The following TENM2 variants were observed in gnomAD, a reference collection of about 807,000 sequenced individuals.
TENM2 encodes teneurin transmembrane protein 2.
In TENM2, 52 loss-of-function variants were observed where a neutral mutation model predicts 245.2. That is an observed-to-expected ratio of 0.21 (90% CI 0.17 to 0.27). The LOEUF is 0.27. Ranked by LOEUF, TENM2 falls within the 10% of genes least tolerant of loss-of-function variation. The probability of loss-of-function intolerance (pLI) is 1.00; values close to 1 mark genes in which losing one functional copy is unlikely to be tolerated. For missense variants in TENM2, 3,046 were observed against 3,666.8 expected, an observed-to-expected ratio of 0.83 and a Z score of 4.37; for synonymous variants, 1,363 against 1,438.9, an observed-to-expected ratio of 0.95 and a Z score of 1.19.
chr5:168,262,777 G>A, exon 29 of TENM2: 4 of 1,608,756 alleles, frequency 2.5e-6, no homozygotes, highest in Non-Finnish European at 3.4e-6. Context: ...GCAACATCCA[G>A]TTTTTAAGAC....
chr5:167,810,299 T>C (rs1583067285), intron 2 of TENM2, among the ~76,000 whole-genome samples: 1 of 152,100 alleles, frequency 6.6e-6, no homozygotes, highest in Non-Finnish European at 1.5e-5. Context: ...CCCATGGAAA[T>C]TACTAAATCA....
chr5:168,039,484 TATC>T (rs1412403072), intron 5 of TENM2, among the ~76,000 whole-genome samples: 1 of 152,170 alleles, frequency 6.6e-6, no homozygotes, highest in East Asian at 1.9e-4. Flanking sequence ...CTACCGATAT[TATC>T]ATTCTCTAAA....
the TENM2 span, among the ~76,000 whole-genome samples, chr5:167,124,753 G>A: frequency 8.0e-3 from 1,218 of 152,202 alleles, 9 homozygotes; most frequent in Middle Eastern, 0.017. Flanking sequence ...TCAATGTCAG[G>A]AGCCTCAACA....
chr5:166,989,246 G>A, the TENM2 span, among the ~76,000 whole-genome samples: 1 of 129,422 alleles, frequency 7.7e-6, no homozygotes, highest in African/African-American at 3.0e-5. Flanking sequence ...ACCACACCAA[G>A]CTAATCTTTT....
rs114274794 is a variant in TENM2, at chr5:167,571,389, C to T, written c.502+195916C>T. Among the ~76,000 whole-genome samples the T allele has an allele frequency of 8.4e-3, 1,278 of 152,280 alleles. 15 individuals carry two copies. Among genetic ancestry groups the T allele is most frequent in the African/African-American group, 0.028 (1,160 of 41,548 alleles). ...CTGAGCACTTAACTACTGTATCATA[C>T]GCTGTCATATAAGCATATGAATGTA... On this transcript the variant is annotated intron_variant, in intron 2 of 28. Transcript: ENST00000518659.
At chr5:167,359,634 C>A (rs1323111590) in intron 1 of TENM2, among the ~76,000 whole-genome samples, 2 of 152,054 alleles carry the variant, frequency 1.3e-5, no homozygotes, top group Non-Finnish European at 2.9e-5. Flanking sequence ...TGTCACGAAA[C>A]CTTTGCCAGT....
At chr5:167,116,650 A>C in the TENM2 span, 3 of 151,986 alleles carry the variant, frequency 2.0e-5, no homozygotes, top group Non-Finnish European at 2.9e-5. Context: ...TTCTTCACTT[A>C]TGAAGTGGGT....
intron 2 of TENM2, among the ~76,000 whole-genome samples, chr5:167,702,553 T>TGTATATATATATATATATACATAC (rs1758221030): frequency 6.3e-5 from 4 of 63,590 alleles, no homozygotes; most frequent in African/African-American, 3.8e-4. Context: ...TGTGTGTGTG[T>TGTATATATATATATATATACATAC]ATATATATAT....
intron 1 of TENM2, among the ~76,000 whole-genome samples, chr5:167,360,136 C>T (rs1759616354): frequency 6.6e-6 from 1 of 152,090 alleles, no homozygotes; most frequent in Admixed American, 6.6e-5. Context: ...TTTACTCAAA[C>T]AAGAAACCTG....
intron 3 of TENM2, among the ~76,000 whole-genome samples, chr5:167,928,316 T>C (rs1038161221): frequency 7.2e-5 from 11 of 152,146 alleles, no homozygotes; most frequent in African/African-American, 2.2e-4. Flanking sequence ...CAAGTCTTAA[T>C]AGGACATTGG....
At chr5:168,123,121 A>G (rs1480914814) in intron 10 of TENM2, among the ~76,000 whole-genome samples, 4 of 137,390 alleles carry the variant, frequency 2.9e-5, no homozygotes, top group South Asian at 2.5e-4. Flanking sequence ...ACATAGCAAG[A>G]CCCCATTTCT....
At chr5:167,978,924 C>A (rs1165454967) in intron 4 of TENM2, among the ~76,000 whole-genome samples, 2 of 152,248 alleles carry the variant, frequency 1.3e-5, no homozygotes. Flanking sequence ...GAGAACCAGT[C>A]TCTTGCTCCA....
intron 2 of TENM2, among the ~76,000 whole-genome samples, chr5:167,808,742 A>C (rs1766415446): frequency 6.6e-6 from 1 of 152,160 alleles, no homozygotes; most frequent in Non-Finnish European, 1.5e-5. Context: ...GGATTTTAAA[A>C]AGTGTATCTT....
the TENM2 span, among the ~76,000 whole-genome samples, chr5:167,081,063 A>G: frequency 1.3e-5 from 2 of 151,920 alleles, no homozygotes; most frequent in Non-Finnish European, 2.9e-5. Flanking sequence ...TGAGAAGTTT[A>G]TCTTGGATGT....
intron 1 of TENM2, among the ~76,000 whole-genome samples, chr5:167,353,715 G>C (rs940395495): frequency 6.6e-6 from 1 of 151,670 alleles, no homozygotes; most frequent in African/African-American, 2.4e-5. Context: ...CACCGTTTTA[G>C]CCGGGATGGT....
intron 2 of TENM2, among the ~76,000 whole-genome samples, chr5:167,804,872 C>A (rs1036355912): frequency 6.6e-6 from 1 of 152,160 alleles, no homozygotes; most frequent in Non-Finnish European, 1.5e-5. Flanking sequence ...ACAGCTACCC[C>A]AAAATGGCAG....
chr5:167,949,120 T>C (rs1472596066), intron 3 of TENM2, among the ~76,000 whole-genome samples: 1 of 152,162 alleles, frequency 6.6e-6, no homozygotes, highest in African/African-American at 2.4e-5. Context: ...CGAGTGAAAC[T>C]AGGAGTCAAA....
chr5:167,222,849 G>A, the TENM2 span, among the ~76,000 whole-genome samples: 17 of 151,990 alleles, frequency 1.1e-4, no homozygotes, highest in Non-Finnish European at 2.1e-4. Context: ...AAAAAATATG[G>A]GAAATGAAAA....
chr5:167,922,176 T>C (rs1777422684), intron 3 of TENM2, among the ~76,000 whole-genome samples: 1 of 152,220 alleles, frequency 6.6e-6, no homozygotes, highest in Non-Finnish European at 1.5e-5. Context: ...GCTAGAAACC[T>C]GCAGTCATCC....
Sources: gnomAD v4.1 joint callset for allele counts (sites outside exome capture counted in the v4.1 genomes callset) on GRCh38, gnomAD v4.1.1 for gene constraint, MANE v1.5 for transcripts, NCBI Gene and HGNC (gene_info 2026-07-23, HGNC 2026-07-21) for gene names.